The following TAFA5 variants were observed in gnomAD, a reference collection of about 807,000 sequenced individuals.
The protein encoded by TAFA5 is TAFA chemokine like family member 5.
TAFA5 carries 6 observed loss-of-function variants against 15.3 expected under a neutral mutation model. The ratio of observed to expected loss-of-function variants is 0.39; its 90% CI spans 0.21 to 0.77. The LOEUF (loss-of-function observed/expected upper bound fraction) is 0.77, where lower values mean the gene tolerates loss of function less well. Ranked by LOEUF, TAFA5 falls within the 30% of genes least tolerant of loss-of-function variation. The probability of loss-of-function intolerance (pLI) is 0.41; values close to 1 mark genes in which losing one functional copy is unlikely to be tolerated. For synonymous variants in TAFA5, 103 were observed against 80.7 expected (o/e 1.28, Z -1.48); for missense variants, 161 against 193.1 (o/e 0.83, Z 0.98).
At chr22:48,527,957 A>G (rs890445819) in intron 1 of TAFA5, among the ~76,000 whole-genome samples, 1 of 152,188 alleles carries the variant, frequency 6.6e-6, no homozygotes, top group South Asian at 2.1e-4. Context: ...TCTGAGATGC[A>G]CTTTTACTAC....
At chr22:48,704,882 A>AG (rs933955461) in intron 2 of TAFA5, among the ~76,000 whole-genome samples, 2 of 151,922 alleles carry the variant, frequency 1.3e-5, no homozygotes, top group African/African-American at 4.8e-5. Flanking sequence ...TGGTGCTGAT[A>AG]GGTTTGGTTC....
chr22:48,584,720 C>T (rs1924267431), intron 1 of TAFA5, among the ~76,000 whole-genome samples: 1 of 147,148 alleles, frequency 6.8e-6, no homozygotes, highest in Non-Finnish European at 1.5e-5. Context: ...CACCACACAC[C>T]CCACACGCAC....
chr22:48,535,714 TCACA>T (rs752632892), intron 1 of TAFA5, among the ~76,000 whole-genome samples: 8 of 149,890 alleles, frequency 5.3e-5, no homozygotes, highest in East Asian at 2.0e-4. Flanking sequence ...TGCACACACA[TCACA>T]CACACAGTCA....
chr22:48,737,849 C>T (rs769791905), intron 3 of TAFA5, among the ~76,000 whole-genome samples: 2 of 152,174 alleles, frequency 1.3e-5, no homozygotes, highest in African/African-American at 4.8e-5. Context: ...CAGGGAGCTG[C>T]AGCCTCTGAG....
At chr22:48,555,398 C>T (rs1163991713) in intron 1 of TAFA5, among the ~76,000 whole-genome samples, 1 of 152,170 alleles carries the variant, frequency 6.6e-6, no homozygotes, top group Non-Finnish European at 1.5e-5. Context: ...CCGTGTCCTG[C>T]GAGGGATTTC....
chr22:48,524,402 C>T (rs1305776182), intron 1 of TAFA5, among the ~76,000 whole-genome samples: 1 of 152,226 alleles, frequency 6.6e-6, no homozygotes, highest in African/African-American at 2.4e-5. Flanking sequence ...CAAGGCCACC[C>T]TGAGGAGCCC....
intron 1 of TAFA5, among the ~76,000 whole-genome samples, chr22:48,583,256 C>T (rs907965394): frequency 2.0e-5 from 3 of 147,244 alleles, no homozygotes; most frequent in African/African-American, 7.6e-5. Flanking sequence ...ACACACCACA[C>T]ACTATACACA....
chr22:48,682,631 C>T (rs561382946), intron 2 of TAFA5, among the ~76,000 whole-genome samples: 12 of 152,124 alleles, frequency 7.9e-5, no homozygotes, highest in Non-Finnish European at 1.6e-4. Flanking sequence ...ATTGACAAAA[C>T]CCTGACAGCA....
chr22:48,529,820 C>T (rs1416658753), intron 1 of TAFA5, among the ~76,000 whole-genome samples: 1 of 152,066 alleles, frequency 6.6e-6, no homozygotes, highest in Admixed American at 6.5e-5. Flanking sequence ...CCTCCATCCT[C>T]CCATGGGTGC....
At chr22:48,573,402 A>G (rs77919531) in intron 1 of TAFA5, among the ~76,000 whole-genome samples, 14,569 of 152,230 alleles carry the variant, frequency 0.096, 1,075 homozygotes, top group East Asian at 0.21. Context: ...TGTCATGTCA[A>G]TGAGAACCCT....
intron 1 of TAFA5, among the ~76,000 whole-genome samples, chr22:48,599,507 A>T (rs1057207661): frequency 6.6e-6 from 1 of 152,242 alleles, no homozygotes; most frequent in Non-Finnish European, 1.5e-5. Flanking sequence ...CGCTGATCAG[A>T]CTCAGCATGG....
At chr22:48,576,596 CG>C in intron 1 of TAFA5, 1 of 1,420,512 alleles carries the variant, frequency 7.0e-7, no homozygotes. Flanking sequence ...GCGCGCGGAC[CG>C]GTCCTCCGCG....
chr22:48,739,356 G>A (rs1193748671), intron 3 of TAFA5, among the ~76,000 whole-genome samples: 2 of 152,132 alleles, frequency 1.3e-5, no homozygotes, highest in Non-Finnish European at 2.9e-5. Context: ...TGTTGAGACT[G>A]CGGTCTGGTT....
intron 1 of TAFA5, among the ~76,000 whole-genome samples, chr22:48,559,619 G>A (rs1923157137): frequency 6.6e-6 from 1 of 152,096 alleles, no homozygotes; most frequent in Admixed American, 6.5e-5. Flanking sequence ...GCTTTTCTGG[G>A]GCAGTCAAGC....
intron 2 of TAFA5, among the ~76,000 whole-genome samples, chr22:48,694,782 C>T (rs1300253168): frequency 1.5e-5 from 2 of 130,832 alleles, no homozygotes; most frequent in Non-Finnish European, 3.3e-5. Context: ...CCTCCTCCCC[C>T]ACCCCCCACC....
chr22:48,713,106 C>T (rs1929302144), intron 3 of TAFA5, among the ~76,000 whole-genome samples: 1 of 152,248 alleles, frequency 6.6e-6, no homozygotes, highest in South Asian at 2.1e-4. Context: ...ATCCTGTTTG[C>T]ACATTCGCTA....
intron 3 of TAFA5, among the ~76,000 whole-genome samples, chr22:48,740,489 C>T (rs1930148683): frequency 6.6e-6 from 1 of 152,188 alleles, no homozygotes; most frequent in African/African-American, 2.4e-5. Context: ...GTGGGCTTAC[C>T]AGGGGGGCAG....
intron 1 of TAFA5, among the ~76,000 whole-genome samples, chr22:48,616,033 G>T (rs1488759198): frequency 6.6e-6 from 1 of 152,174 alleles, no homozygotes; most frequent in Non-Finnish European, 1.5e-5. Flanking sequence ...TACTGGTTCT[G>T]TGGGGTGCAG....
At chr22:48,589,586 GA>G (rs1043213748) in intron 1 of TAFA5, among the ~76,000 whole-genome samples, 2 of 152,224 alleles carry the variant, frequency 1.3e-5, no homozygotes, top group Non-Finnish European at 2.9e-5. Flanking sequence ...CTCTCATTTG[GA>G]AAAAGGGCCT....
Sources: allele counts gnomAD v4.1 joint callset (sites outside exome capture counted in the v4.1 genomes callset), GRCh38; gene constraint gnomAD v4.1.1; transcripts MANE v1.5; gene names NCBI Gene and HGNC (gene_info 2026-07-23, HGNC 2026-07-21).